Variants in CTNNA2 observed in about 807,000 individuals in gnomAD.
The protein encoded by CTNNA2 is catenin alpha-2.
A neutral mutation model predicts 101.0 loss-of-function variants in CTNNA2; 42 were observed. The observed-to-expected ratio is 0.42, with a 90% CI of 0.32 to 0.54. CTNNA2 has a LOEUF of 0.54. CTNNA2 is among the 20% of genes least tolerant of loss of function. The pLI, the probability that CTNNA2 is intolerant of heterozygous loss-of-function variation, is 0.14. For synonymous variants in CTNNA2, 450 were observed against 456.4 expected, an observed-to-expected ratio of 0.99 and a Z score of 0.18; for missense variants, 871 against 1,223.1, an observed-to-expected ratio of 0.71 and a Z score of 4.29.
chr2:79,666,204 G>A (rs1287644235), intron 2 of CTNNA2, among the ~76,000 whole-genome samples: 1 of 151,690 alleles, frequency 6.6e-6, no homozygotes, highest in East Asian at 1.9e-4. Flanking sequence ...TTCTTTCCCA[G>A]AAAAAAACAG....
intron 7 of CTNNA2, among the ~76,000 whole-genome samples, chr2:80,366,844 G>A (rs961596748): frequency 2.0e-5 from 3 of 152,066 alleles, no homozygotes; most frequent in Admixed American, 6.5e-5. Context: ...TGCCCAAGGT[G>A]GTCGAGGCAC....
Position 80,190,568 on chromosome 2 carries a change from A to G in CTNNA2, c.1057-202643A>G, listed in dbSNP as rs190602467. ...ACAAATCTCAGGGTTGGCCACTCCC[A>G]GAATCTGTAGCTCAAAACACACATT... On this transcript the variant is annotated intron_variant, in intron 7 of 18. Transcript: ENST00000402739. 2.2e-3 allele frequency among the ~76,000 whole-genome samples: 341 copies of G among 152,248 alleles called. 3 individuals are homozygous for G. The highest frequency in any genetic ancestry group is 7.6e-3 in the African/African-American group (314 of 41,552).
intron 7 of CTNNA2, among the ~76,000 whole-genome samples, chr2:80,334,425 G>A (rs1293038672): frequency 6.6e-6 from 1 of 152,136 alleles, no homozygotes; most frequent in Non-Finnish European, 1.5e-5. Context: ...TGGCCATGTG[G>A]CCATCTTACA....
chr2:80,366,339 C>A (rs1429026317), intron 7 of CTNNA2, among the ~76,000 whole-genome samples: 5 of 151,016 alleles, frequency 3.3e-5, no homozygotes, highest in East Asian at 1.9e-4. Flanking sequence ...AAACAGATTT[C>A]TTTTATTTGT....
intron 7 of CTNNA2, among the ~76,000 whole-genome samples, chr2:80,182,187 T>C (rs1705828122): frequency 6.6e-6 from 1 of 152,158 alleles, no homozygotes; most frequent in African/African-American, 2.4e-5. Context: ...GCCCTTAGTC[T>C]GTAACCAAAG....
At chr2:79,656,029 G>A (rs1217545162) in intron 2 of CTNNA2, among the ~76,000 whole-genome samples, 1 of 152,048 alleles carries the variant, frequency 6.6e-6, no homozygotes, top group Non-Finnish European at 1.5e-5. Flanking sequence ...ACTGTAAGTA[G>A]TCTTAACATC....
intron 2 of CTNNA2, among the ~76,000 whole-genome samples, chr2:79,724,401 G>T (rs1686685195): frequency 6.6e-6 from 1 of 151,958 alleles, no homozygotes; most frequent in Non-Finnish European, 1.5e-5. Flanking sequence ...TTTAGTTGGT[G>T]GTTTCTCTAG....
At chr2:80,019,299 A>G (rs907738684) in intron 7 of CTNNA2, among the ~76,000 whole-genome samples, 4 of 152,216 alleles carry the variant, frequency 2.6e-5, no homozygotes, top group Admixed American at 2.0e-4. Context: ...GTTGAAACCA[A>G]TAACACAGCA....
chr2:79,241,510 A>C (rs764785601), intron 2 of CTNNA2, among the ~76,000 whole-genome samples: 4 of 152,202 alleles, frequency 2.6e-5, no homozygotes, highest in Non-Finnish European at 4.4e-5. Flanking sequence ...GGAGCTGAGA[A>C]TAGTGAACCT....
chr2:80,537,130 G>T (rs1427094977), intron 9 of CTNNA2, among the ~76,000 whole-genome samples: 1 of 151,820 alleles, frequency 6.6e-6, no homozygotes, highest in African/African-American at 2.4e-5. Flanking sequence ...CTGTGTCCAT[G>T]TGTTGTCATT....
At chr2:80,235,334 T>C (rs976017847) in intron 7 of CTNNA2, among the ~76,000 whole-genome samples, 4 of 152,208 alleles carry the variant, frequency 2.6e-5, no homozygotes, top group Admixed American at 1.3e-4. Context: ...AGCCTGACAC[T>C]GTACTAAACA....
chr2:80,320,913 T>C (rs1056263834), intron 7 of CTNNA2, among the ~76,000 whole-genome samples: 1 of 152,214 alleles, frequency 6.6e-6, no homozygotes, highest in Non-Finnish European at 1.5e-5. Flanking sequence ...AACCAAAATA[T>C]GTCTCCACAT....
chr2:79,555,620 A>G (rs1019292038), intron 1 of CTNNA2, among the ~76,000 whole-genome samples: 4 of 152,162 alleles, frequency 2.6e-5, no homozygotes, highest in Non-Finnish European at 5.9e-5. Flanking sequence ...AGTGAACTGA[A>G]TTCTGTATCA....
At chr2:80,003,065 G>A (rs1307569094) in intron 7 of CTNNA2, among the ~76,000 whole-genome samples, 4 of 152,142 alleles carry the variant, frequency 2.6e-5, no homozygotes, top group African/African-American at 9.7e-5. Flanking sequence ...GGTGATTAGT[G>A]ATGATAGGAG....
chr2:79,247,133 G>A (rs955452951), intron 2 of CTNNA2, among the ~76,000 whole-genome samples: 1 of 152,172 alleles, frequency 6.6e-6, no homozygotes, highest in Non-Finnish European at 1.5e-5. Flanking sequence ...GATGTGGGAG[G>A]AATTGTAGAC....
intron 2 of CTNNA2, among the ~76,000 whole-genome samples, chr2:79,282,004 A>G (rs1195598661): frequency 6.6e-6 from 1 of 152,180 alleles, no homozygotes; most frequent in Non-Finnish European, 1.5e-5. Context: ...TGTCAATAAA[A>G]GTATGAATAA....
intron 12 of CTNNA2, among the ~76,000 whole-genome samples, chr2:80,571,011 G>A (rs1283199431): frequency 3.3e-5 from 5 of 152,046 alleles, no homozygotes; most frequent in African/African-American, 1.2e-4. Context: ...GCCAGGAGGT[G>A]GTTTTAGCGA....
At chr2:80,594,306 C>T (rs1696761025) in intron 15 of CTNNA2, among the ~76,000 whole-genome samples, 1 of 151,954 alleles carries the variant, frequency 6.6e-6, no homozygotes, top group Admixed American at 6.6e-5. Flanking sequence ...CAATGTCTAT[C>T]CAAGTCTTTT....
intron 9 of CTNNA2, among the ~76,000 whole-genome samples, chr2:80,504,894 A>T (rs1688149341): frequency 6.6e-6 from 1 of 152,124 alleles, no homozygotes; most frequent in Admixed American, 6.5e-5. Context: ...CAGGAAAGAT[A>T]TTTTCCCTTT....
Sources: allele counts gnomAD v4.1 joint callset (sites outside exome capture counted in the v4.1 genomes callset), GRCh38; gene constraint gnomAD v4.1.1; transcripts MANE v1.5; gene names NCBI Gene and HGNC (gene_info 2026-07-23, HGNC 2026-07-21).